SNTG1: variants seen among roughly 807,000 people sequenced by gnomAD.
SNTG1 encodes syntrophin gamma 1.
In SNTG1, 39 loss-of-function variants were observed where a neutral mutation model predicts 74.7. That is an observed-to-expected ratio of 0.52 (90% CI 0.40 to 0.68). The LOEUF is 0.68. Ranked by LOEUF, SNTG1 falls within the 30% of genes least tolerant of loss-of-function variation. The probability of loss-of-function intolerance (pLI) is 0.00; values close to 1 mark genes in which losing one functional copy is unlikely to be tolerated. For missense variants in SNTG1, 685 were observed against 609.5 expected (o/e 1.12, Z -1.30); for synonymous variants, 254 against 217.1 (o/e 1.17, Z -1.49).
intron 2 of SNTG1, among the ~76,000 whole-genome samples, chr8:50,260,747 T>TAA (rs35500338): frequency 0.52 from 72,909 of 140,272 alleles, 21,795 homozygotes; most frequent in East Asian, 0.69. Context: ...ATAGCAATTC[T>TAA]AAAAAAAAAA....
chr8:50,538,790 T>C (rs2094325955), intron 11 of SNTG1, among the ~76,000 whole-genome samples: 1 of 152,146 alleles, frequency 6.6e-6, no homozygotes, highest in African/African-American at 2.4e-5. Context: ...CTTTCCATTC[T>C]CTCCCTCTAC....
intron 2 of SNTG1, among the ~76,000 whole-genome samples, chr8:50,292,865 A>AT (rs2089184325): frequency 6.6e-6 from 1 of 152,206 alleles, no homozygotes. Flanking sequence ...AGTTTATAAC[A>AT]TAAGAAGAGG....
chr8:50,561,700 G>A (rs1225139148), intron 12 of SNTG1, among the ~76,000 whole-genome samples: 1 of 152,116 alleles, frequency 6.6e-6, no homozygotes, highest in African/African-American at 2.4e-5. Context: ...TGGCTATGAG[G>A]AAACTGAAAG....
intron 15 of SNTG1, among the ~76,000 whole-genome samples, chr8:50,701,827 T>C (rs376050614): frequency 1.1e-3 from 169 of 148,264 alleles, no homozygotes; most frequent in Middle Eastern, 3.5e-3. Flanking sequence ...CTTCTCCTCC[T>C]CCTCCTCCTC....
At chr8:50,526,407 CT>C (rs1324381132) in intron 9 of SNTG1, among the ~76,000 whole-genome samples, 1 of 152,092 alleles carries the variant, frequency 6.6e-6, no homozygotes, top group African/African-American at 2.4e-5. Context: ...ATGAAATGGT[CT>C]TTTTACCCAT....
At chr8:50,250,024 C>G (rs2086576325) in intron 2 of SNTG1, among the ~76,000 whole-genome samples, 1 of 150,456 alleles carries the variant, frequency 6.6e-6, no homozygotes, top group Non-Finnish European at 1.5e-5. Flanking sequence ...ATAATGATTT[C>G]AAGAAAACTC....
intron 4 of SNTG1, among the ~76,000 whole-genome samples, chr8:50,405,292 C>G (rs1405071112): frequency 6.6e-6 from 1 of 152,094 alleles, no homozygotes; most frequent in Non-Finnish European, 1.5e-5. Context: ...TCCAAGTTCT[C>G]CACATTCATG....
rs763834080 is a variant in SNTG1, at chr8:50,067,020, GTTCTT to G, written c.-102-105528_-102-105524del. On this transcript the variant is annotated intron_variant, in intron 1 of 18. Coordinates refer to ENST00000642720, the MANE Select transcript of SNTG1 (RefSeq NM_018967.5). Reference sequence around the variant, plus strand: ...TTAACCATCACTTATTCTTTCGTCAGTTCTTTTCTTTTCTTTTTTTTTGAAAGACA... The same window carrying G: ...TTAACCATCACTTATTCTTTCGTCAGTTCTTTTCTTTTTTTTTGAAAGACA... Among the ~76,000 whole-genome samples the G allele has an allele frequency of 1.4e-4, 22 of 152,264 alleles. No homozygotes were observed. In the East Asian group the frequency reaches 2.3e-3, roughly 16 times the overall value.
chr8:50,681,450 G>A (rs2095330559), intron 15 of SNTG1, among the ~76,000 whole-genome samples: 2 of 151,920 alleles, frequency 1.3e-5, no homozygotes, highest in East Asian at 3.9e-4. Context: ...TATTTCATTA[G>A]GGTATATGTA....
intron 13 of SNTG1, among the ~76,000 whole-genome samples, chr8:50,593,430 T>C (rs2094705215): frequency 6.6e-6 from 1 of 151,982 alleles, no homozygotes; most frequent in African/African-American, 2.4e-5. Context: ...ATCCAAAATA[T>C]TTTTAATCAT....
chr8:50,512,247 A>T (rs772611808), intron 9 of SNTG1, among the ~76,000 whole-genome samples: 1 of 151,922 alleles, frequency 6.6e-6, no homozygotes, highest in Non-Finnish European at 1.5e-5. Context: ...ATTGGCCCCC[A>T]GTCTCTTCTG....
intron 17 of SNTG1, among the ~76,000 whole-genome samples, chr8:50,711,138 A>G (rs2095460478): frequency 6.6e-6 from 1 of 152,198 alleles, no homozygotes; most frequent in Non-Finnish European, 1.5e-5. Context: ...GCACCCCTTC[A>G]TCAGATGAGG....
chr8:50,707,670 C>G (rs1563768610), intron 16 of SNTG1, among the ~76,000 whole-genome samples: 1 of 151,474 alleles, frequency 6.6e-6, no homozygotes, highest in Non-Finnish European at 1.5e-5. Context: ...TAAAAATTTG[C>G]TTCAGATAAA....
chr8:50,412,872 C>T (rs2092966861), intron 4 of SNTG1, among the ~76,000 whole-genome samples: 1 of 152,082 alleles, frequency 6.6e-6, no homozygotes, highest in Admixed American at 6.6e-5. Context: ...AGGTGGGGTG[C>T]AAAGTGTATT....
At chr8:50,253,424 A>AAATT (rs1233664985) in intron 2 of SNTG1, among the ~76,000 whole-genome samples, 2 of 151,230 alleles carry the variant, frequency 1.3e-5, no homozygotes, top group Admixed American at 6.6e-5. Context: ...ACTCCGTCTT[A>AAATT]AATAAATAAA....
intron 15 of SNTG1, among the ~76,000 whole-genome samples, chr8:50,697,923 T>A (rs1408409301): frequency 6.6e-6 from 1 of 152,140 alleles, no homozygotes; most frequent in Non-Finnish European, 1.5e-5. Context: ...CTGGCTGACT[T>A]TGGTGTCAGG....
At chr8:49,988,119 A>C (rs1284730045) in intron 1 of SNTG1, among the ~76,000 whole-genome samples, 1 of 152,188 alleles carries the variant, frequency 6.6e-6, no homozygotes, top group Non-Finnish European at 1.5e-5. Flanking sequence ...GCAGGAAAAG[A>C]GACTCCAGAG....
chr8:50,144,193 G>A (rs546715353), intron 1 of SNTG1, among the ~76,000 whole-genome samples: 22 of 152,250 alleles, frequency 1.4e-4, no homozygotes, highest in African/African-American at 4.1e-4. Flanking sequence ...TATGCTATAC[G>A]AAACCATCTT....
chr8:50,716,578 T>A (rs2095475534), intron 17 of SNTG1, among the ~76,000 whole-genome samples: 1 of 152,094 alleles, frequency 6.6e-6, no homozygotes, highest in Admixed American at 6.6e-5. Flanking sequence ...AGGTACTTGT[T>A]TCCTAATCTT....
Sources: gnomAD v4.1 joint callset for allele counts (sites outside exome capture counted in the v4.1 genomes callset) on GRCh38, gnomAD v4.1.1 for gene constraint, MANE v1.5 for transcripts, NCBI Gene and HGNC (gene_info 2026-07-23, HGNC 2026-07-21) for gene names.